ADGRA3: variants seen among roughly 807,000 people sequenced by gnomAD.
The protein encoded by ADGRA3 is adhesion G protein-coupled receptor A3, also known as G-protein coupled receptor 125.
ADGRA3 carries 56 observed loss-of-function variants against 119.8 expected under a neutral mutation model. That is an observed-to-expected ratio of 0.47 (90% CI 0.38 to 0.58). The LOEUF is 0.58. ADGRA3 is among the 20% of genes least tolerant of loss of function. The pLI is 0.00. For synonymous variants in ADGRA3, 607 were observed against 623.8 expected, an observed-to-expected ratio of 0.97 and a Z score of 0.40; for missense variants, 1,516 against 1,649.0, an observed-to-expected ratio of 0.92 and a Z score of 1.40.
intron 1 of ADGRA3, among the ~76,000 whole-genome samples, chr4:22,512,481 G>A (rs1457829302): frequency 6.6e-6 from 1 of 152,136 alleles, no homozygotes; most frequent in African/African-American, 2.4e-5. Flanking sequence ...ACCTTTTAAC[G>A]TGATCTTACT....
At chr4:22,470,295 A>G (rs2109115743) in intron 2 of ADGRA3, among the ~76,000 whole-genome samples, 1 of 149,572 alleles carries the variant, frequency 6.7e-6, no homozygotes, top group East Asian at 2.0e-4. Context: ...ATAAAAAATA[A>G]AACCCCAAAT....
chr4:22,410,352 C>G (rs1715142885), intron 14 of ADGRA3, among the ~76,000 whole-genome samples: 1 of 152,158 alleles, frequency 6.6e-6, no homozygotes, highest in African/African-American at 2.4e-5. Flanking sequence ...CCCCACCTGG[C>G]TATTCCAGAT....
chr4:22,395,683 G>A (rs1043786666), intron 16 of ADGRA3, among the ~76,000 whole-genome samples: 5 of 152,138 alleles, frequency 3.3e-5, no homozygotes, highest in Admixed American at 6.6e-5. Context: ...AGAGGCACTC[G>A]GAATCAAACG....
In ADGRA3 at chr4:22,508,932, C is replaced by T. The variant is rs540501151; in HGVS notation, c.257+6596G>A. 4.9e-4 allele frequency among the ~76,000 whole-genome samples: 74 copies of T among 152,238 alleles called. 1 individual carries two copies. The highest frequency in any genetic ancestry group is 4.8e-3 in the South Asian group (23 of 4,828). On this transcript the variant is annotated intron_variant, in intron 1 of 18. Transcript: ENST00000334304. ...GATATCTTTGAGAAAATAGAAGCAA[C>T]GGGGCCAAAATTCCCTCTTCGTCCC...
chr4:22,429,247 C>T (rs1008233447), intron 10 of ADGRA3, among the ~76,000 whole-genome samples: 5 of 152,160 alleles, frequency 3.3e-5, no homozygotes, highest in Admixed American at 2.6e-4. Flanking sequence ...AGATTACAAA[C>T]ACGTACGTGC....
chr4:22,495,732 C>A (rs1256212806), intron 1 of ADGRA3, among the ~76,000 whole-genome samples: 1 of 151,828 alleles, frequency 6.6e-6, no homozygotes, highest in African/African-American at 2.4e-5. Context: ...CACGGTGAAA[C>A]CCCGTCGCTA....
intron 1 of ADGRA3, among the ~76,000 whole-genome samples, chr4:22,480,906 C>T (rs1418298427): frequency 6.6e-6 from 1 of 151,796 alleles, no homozygotes; most frequent in Non-Finnish European, 1.5e-5. Flanking sequence ...TCTTTGAGGC[C>T]CTAGTATGCC....
At position 22,495,499 on chromosome 4, in the gene ADGRA3, C is replaced by T. The variant is rs141438151; in HGVS notation, c.257+20029G>A. 6.4e-4 allele frequency among the ~76,000 whole-genome samples: 97 copies of T among 152,142 alleles called. 4 individuals are homozygous for T. Among genetic ancestry groups the T allele is most frequent in the African/African-American group, 2.2e-3 (90 of 41,394 alleles). ...AACCATGAATAAGGTGGGGGACTAC[C>T]ATTTTGGAAATAGACAAAAAAGGAA... On this transcript the variant is annotated intron_variant, in intron 1 of 18. Coordinates refer to ENST00000334304, the MANE Select transcript of ADGRA3 (RefSeq NM_145290.4).
rs557564990 is a variant in ADGRA3 at position 22,391,280 on chromosome 4, G to A, written c.2627+1265C>T. On this transcript the variant is annotated intron_variant, in intron 17 of 18. Coordinates refer to ENST00000334304, the MANE Select transcript of ADGRA3 (RefSeq NM_145290.4). ...AAACATTCCACAAGAAAGTACTGAG[G>A]AGCCTGCCACCCCATTTCCCCTCTC... 2.0e-5 allele frequency among the ~76,000 whole-genome samples: 3 copies of A among 152,126 alleles called. No individual in the cohort carries two copies. In the East Asian group the frequency reaches 5.8e-4, roughly 30 times the overall value.
At chr4:22,505,691 C>T (rs923428651) in intron 1 of ADGRA3, among the ~76,000 whole-genome samples, 1 of 151,928 alleles carries the variant, frequency 6.6e-6, no homozygotes, top group Non-Finnish European at 1.5e-5. Flanking sequence ...GGTTATCCCC[C>T]TGCTGTTTTA....
intron 1 of ADGRA3, among the ~76,000 whole-genome samples, chr4:22,498,236 A>G (rs1718913260): frequency 8.1e-6 from 1 of 123,748 alleles, no homozygotes; most frequent in East Asian, 2.4e-4. Context: ...AACAAAAGCG[A>G]AACGAGTTTC....
At chr4:22,445,290 G>T (rs969483389) in intron 5 of ADGRA3, among the ~76,000 whole-genome samples, 157 bp from the exon 6 acceptor site, 1 of 152,120 alleles carries the variant, frequency 6.6e-6, no homozygotes, top group Non-Finnish European at 1.5e-5. Context: ...TCTCTCCAAG[G>T]AGCTGAATTG....
intron 1 of ADGRA3, among the ~76,000 whole-genome samples, chr4:22,509,104 A>G (rs964837711): frequency 1.3e-5 from 2 of 152,158 alleles, no homozygotes; most frequent in Non-Finnish European, 2.9e-5. Context: ...TGAACAGAAC[A>G]TGGAGTTTCA....
intron 8 of ADGRA3, 119 bp from the exon 9 acceptor site, chr4:22,436,760 G>A (rs759760950): frequency 5.0e-5 from 40 of 806,040 alleles, no homozygotes; most frequent in Non-Finnish European, 6.9e-5. Flanking sequence ...ACCCTGACAC[G>A]GGTCATCAAA....
chr4:22,466,326 C>G (rs1314622087), intron 2 of ADGRA3, among the ~76,000 whole-genome samples: 1 of 152,176 alleles, frequency 6.6e-6, no homozygotes, highest in Non-Finnish European at 1.5e-5. Flanking sequence ...ACTTGGGATT[C>G]CCTGTCCTGA....
At chr4:22,451,148 TATA>T (rs1321956043) in intron 4 of ADGRA3, among the ~76,000 whole-genome samples, 1 of 151,702 alleles carries the variant, frequency 6.6e-6, no homozygotes, top group Non-Finnish European at 1.5e-5. Context: ...TATACAAATA[TATA>T]CACATGTTTT....
chr4:22,475,695 C>T (rs757759502), intron 1 of ADGRA3, among the ~76,000 whole-genome samples: 1 of 151,636 alleles, frequency 6.6e-6, no homozygotes, highest in Non-Finnish European at 1.5e-5. Flanking sequence ...CCACTGCACT[C>T]CAGCCTGGGC....
intron 12 of ADGRA3, chr4:22,414,685 C>T (rs1437013826): frequency 1.5e-6 from 1 of 657,936 alleles, no homozygotes; most frequent in Non-Finnish European, 2.7e-6. Context: ...AAGCCCAAAT[C>T]CTAAGTTCAC....
At chr4:22,423,996 A>G (rs144635200) in intron 11 of ADGRA3, among the ~76,000 whole-genome samples, 195 bp downstream of exon 11, 289 of 152,362 alleles carry the variant, frequency 1.9e-3, no homozygotes, top group African/African-American at 6.4e-3. Flanking sequence ...GTTATAACTT[A>G]TAAAATGTTA....
Sources: gnomAD v4.1 joint callset for allele counts (sites outside exome capture counted in the v4.1 genomes callset) on GRCh38, gnomAD v4.1.1 for gene constraint, MANE v1.5 for transcripts, NCBI Gene and HGNC (gene_info 2026-07-23, HGNC 2026-07-21) for gene names.